Variants in CCDC181 observed in about 807,000 individuals in gnomAD.
The protein encoded by CCDC181 is coiled-coil domain containing 181.
A neutral mutation model predicts 58.7 loss-of-function variants in CCDC181; 35 were observed. That is an observed-to-expected ratio of 0.60 (90% CI 0.46 to 0.79). The LOEUF is 0.79. Among genes scored for constraint, CCDC181 ranks in the 30% least tolerant of loss-of-function variants. The pLI, the probability that CCDC181 is intolerant of heterozygous loss-of-function variation, is 0.00. For missense variants in CCDC181, 517 were observed against 583.9 expected (o/e 0.89, Z 1.18); for synonymous variants, 183 against 197.5 (o/e 0.93, Z 0.62).
At chr1:169,411,101 G>T (rs973997892) in intron 4 of CCDC181, among the ~76,000 whole-genome samples, 2 of 151,970 alleles carry the variant, frequency 1.3e-5, no homozygotes, top group Non-Finnish European at 2.9e-5. Context: ...TCCAGGAGCT[G>T]GTTTTTTGAA....
chr1:169,415,722 C>A (rs1656184220), intron 4 of CCDC181, among the ~76,000 whole-genome samples: 1 of 152,128 alleles, frequency 6.6e-6, no homozygotes, highest in African/African-American at 2.4e-5. Context: ...ACTCCTGACT[C>A]AATATTCCTC....
chr1:169,410,397 C>T (rs1352829736), intron 4 of CCDC181, among the ~76,000 whole-genome samples: 2 of 151,912 alleles, frequency 1.3e-5, no homozygotes, highest in African/African-American at 4.8e-5. Context: ...TAAAGCAAGC[C>T]CTTAGAGACC....
At chr1:169,401,862 A>G (rs1655370758) in intron 4 of CCDC181, among the ~76,000 whole-genome samples, 1 of 152,234 alleles carries the variant, frequency 6.6e-6, no homozygotes, top group African/African-American at 2.4e-5. Context: ...TCTCCGAGCT[A>G]AAGAAGGATG....
At position 169,421,585 on chromosome 1, in the gene CCDC181, T is replaced by C. The variant is rs767968940; in HGVS notation, c.846A>G (p.Ser282=). 5 of 1,614,042 alleles carry C rather than the reference T, an allele frequency of 3.1e-6. No individual in the cohort carries two copies. The highest frequency in any genetic ancestry group is 4.2e-6 in the Non-Finnish European group (5 of 1,180,032). Residue 282 remains serine (S), a synonymous_variant, in exon 3 of 6, where the codon TCA becomes TCG. Transcript: ENST00000367806. The part of the protein sequence containing the change: ...STAKIHAVTH[S]STGEPLAYIA... ...TATAAGCCAGCGGCTCTCCTGTTGA[T>C]GAGTGAGTGACAGCATGAATCTTTG...
intron 1 of CCDC181, among the ~76,000 whole-genome samples, chr1:169,425,735 C>T (rs1171634035): frequency 6.6e-6 from 1 of 152,016 alleles, no homozygotes; most frequent in African/African-American, 2.4e-5. Flanking sequence ...GTCACAATGC[C>T]TTGGAATAAT....
At chr1:169,447,384 A>G (rs1471648705) in intron 2 of CCDC181, among the ~76,000 whole-genome samples, 1 of 152,192 alleles carries the variant, frequency 6.6e-6, no homozygotes, top group Non-Finnish European at 1.5e-5. Flanking sequence ...AAATGCTGGG[A>G]TTACAATGTA....
chr1:169,437,549 T>C (rs1323667560), intron 2 of CCDC181, among the ~76,000 whole-genome samples: 1 of 152,208 alleles, frequency 6.6e-6, no homozygotes, highest in Admixed American at 6.5e-5. Flanking sequence ...AGTTACAATT[T>C]TGCAATGGCA....
At chr1:169,439,151 GCTACAGACA>G (rs140082188) in intron 2 of CCDC181, among the ~76,000 whole-genome samples, 1 of 152,054 alleles carries the variant, frequency 6.6e-6, no homozygotes, top group East Asian at 1.9e-4. Flanking sequence ...CCATGGTAGA[GCTACAGACA>G]CCCTGCATTG....
At chr1:169,457,918 TTTA>T (rs1657722222) in intron 2 of CCDC181, among the ~76,000 whole-genome samples, 1 of 152,188 alleles carries the variant, frequency 6.6e-6, no homozygotes, top group Non-Finnish European at 1.5e-5. Context: ...TGATAATTGT[TTTA>T]TATTTTTGTC....
At chr1:169,404,193 C>G (rs1655519790) in intron 4 of CCDC181, among the ~76,000 whole-genome samples, 1 of 152,060 alleles carries the variant, frequency 6.6e-6, no homozygotes, top group African/African-American at 2.4e-5. Flanking sequence ...CAAAAAAAGT[C>G]CAGGACCAGA....
Position 169,451,407 on chromosome 1 carries a change from G to A in CCDC181, c.-24+8390C>T, listed in dbSNP as rs114949615. 232 of 152,250 alleles carry A rather than the reference G, an allele frequency of 1.5e-3. 2 individuals are homozygous for A. The highest frequency in any genetic ancestry group is 5.3e-3 in the African/African-American group (219 of 41,548). The allele number at this position is 152,250 out of a possible 1,614,324, so 9.4% of individuals were successfully genotyped here. The stretch of plus-strand genomic sequence containing the variant: ...AAAGATAACTATAGTAGCACAATTT[G>A]TAAATGGGGTTGATAGGGAGTGGCA... On this transcript the variant is annotated intron_variant, in intron 2 of 6. Coordinates refer to the CCDC181 transcript ENST00000545005.
At chr1:169,438,150 A>G (rs1657107142) in intron 2 of CCDC181, among the ~76,000 whole-genome samples, 1 of 152,122 alleles carries the variant, frequency 6.6e-6, no homozygotes, top group Non-Finnish European at 1.5e-5. Context: ...ACAAATTTTT[A>G]GCACAAAGTG....
chr1:169,455,271 G>A (rs1446237276), intron 2 of CCDC181, among the ~76,000 whole-genome samples: 2 of 151,568 alleles, frequency 1.3e-5, no homozygotes, highest in Admixed American at 1.3e-4. Flanking sequence ...TAGCCATTAT[G>A]GATAATTTGT....
chr1:169,437,668 T>C (rs955285425), intron 2 of CCDC181, among the ~76,000 whole-genome samples: 2 of 152,162 alleles, frequency 1.3e-5, no homozygotes, highest in African/African-American at 2.4e-5. Flanking sequence ...GTGGTAGGTG[T>C]TGACCCAAGA....
chr1:169,403,633 C>G (rs1259672514), intron 4 of CCDC181, among the ~76,000 whole-genome samples: 1 of 152,160 alleles, frequency 6.6e-6, no homozygotes, highest in Non-Finnish European at 1.5e-5. Context: ...ACACAACATA[C>G]AAGAATCTCT....
Position 169,397,250 on chromosome 1 carries a change from T to G in CCDC181, c.1357A>C (p.Arg453=). 1 of 1,602,192 alleles carries G rather than the reference T, an allele frequency of 6.2e-7. No individual in the cohort carries two copies. Among genetic ancestry groups the G allele is most frequent in the Non-Finnish European group, 8.5e-7 (1 of 1,175,496 alleles). Residue 453 remains arginine, a synonymous_variant, in exon 5 of 6, where the codon AGG becomes CGG. Coordinates refer to ENST00000367806, the MANE Select transcript of CCDC181 (RefSeq NM_001300969.2). ...FFLKGTEGRE[R]AFKQWLRRKR... ...CCTTTAACTTACTGTTTAAAGGCCC[T>G]TTCCCGGCCTTCTGTTCCTTTAAGG...
intron 2 of CCDC181, among the ~76,000 whole-genome samples, chr1:169,456,084 A>G (rs1168992329): frequency 4.6e-5 from 7 of 151,990 alleles, no homozygotes; most frequent in Admixed American, 2.0e-4. Flanking sequence ...TTAGATGGCC[A>G]TTTCAGCCTG....
intron 4 of CCDC181, among the ~76,000 whole-genome samples, chr1:169,401,385 G>T (rs1655338476): frequency 6.6e-6 from 1 of 152,232 alleles, no homozygotes; most frequent in South Asian, 2.1e-4. Flanking sequence ...TAGGCTAACT[G>T]GGAGACACCT....
In CCDC181 at chr1:169,401,345, GCCT is replaced by G. The variant is rs1279706059; in HGVS notation, c.1216-3957_1216-3955del. On this transcript the variant is annotated intron_variant, in intron 4 of 5. Transcript: ENST00000367806. ...TTTGAGATCTGAGAAAGGACAGACT[GCCT>G]CCTCAAGTGGGTCCCTGACGCCCAA... Among the ~76,000 whole-genome samples, 3 of 152,352 alleles carry G rather than the reference GCCT, an allele frequency of 2.0e-5. No individual in the cohort carries two copies. The East Asian group carries it at 5.8e-4, about 29-fold the overall frequency.
Sources: allele counts gnomAD v4.1 joint callset (sites outside exome capture counted in the v4.1 genomes callset), GRCh38; gene constraint gnomAD v4.1.1; transcripts MANE v1.5; gene names NCBI Gene and HGNC (gene_info 2026-07-23, HGNC 2026-07-21).